FMN2: variants seen among roughly 807,000 people sequenced by gnomAD.
FMN2 encodes formin 2, also known as formin-2.
In FMN2, 51 loss-of-function variants were observed where a neutral mutation model predicts 142.3. The ratio of observed to expected loss-of-function variants is 0.36; its 90% confidence interval spans 0.29 to 0.45. The LOEUF is 0.45. Among genes scored for constraint, FMN2 ranks in the 20% least tolerant of loss-of-function variants. FMN2 has a pLI of 1.00. For missense variants in FMN2, 1,936 were observed against 2,122.8 expected (o/e 0.91, Z 1.73); for synonymous variants, 882 against 869.8 (o/e 1.01, Z -0.25).
chr1:240,198,325 A>T (rs1665994143), intron 4 of FMN2, among the ~76,000 whole-genome samples: 1 of 152,162 alleles, frequency 6.6e-6, no homozygotes, highest in Admixed American at 6.6e-5. Context: ...TTCACTAAAG[A>T]TCATTACTTT....
At chr1:240,149,205 G>T (rs796551741) in intron 2 of FMN2, among the ~76,000 whole-genome samples, 63 of 152,128 alleles carry the variant, frequency 4.1e-4, no homozygotes, top group African/African-American at 1.5e-3. Flanking sequence ...AGAAAAATTT[G>T]GAAAACTTTT....
At position 240,136,985 on chromosome 1, in the gene FMN2, G is replaced by A. The variant is rs190682574; in HGVS notation, c.1782+13640G>A. 5.4e-4 allele frequency among the ~76,000 whole-genome samples: 80 copies of A among 148,794 alleles called. No individual in the cohort carries two copies. The East Asian group carries it at 8.2e-3, about 15-fold the overall frequency. On this transcript the variant is annotated intron_variant, in intron 2 of 17. Transcript: ENST00000319653. ...CTAGGGAGGCTGAGGGAAGAGAATC[G>A]CTTGAACCCAAGAGGCGGACATTGC...
chr1:240,280,029 G>T (rs1669346177), intron 7 of FMN2, among the ~76,000 whole-genome samples: 1 of 152,166 alleles, frequency 6.6e-6, no homozygotes, highest in Non-Finnish European at 1.5e-5. Flanking sequence ...ACAGTGGAAG[G>T]TATTACCCTA....
At chr1:240,444,202 C>T (rs1249239950) in intron 16 of FMN2, among the ~76,000 whole-genome samples, 1 of 152,154 alleles carries the variant, frequency 6.6e-6, no homozygotes, top group South Asian at 2.1e-4. Context: ...GACACTGAGA[C>T]GTTCAAGTAT....
At chr1:240,352,548 T>A (rs1167416670) in intron 13 of FMN2, among the ~76,000 whole-genome samples, 1 of 152,084 alleles carries the variant, frequency 6.6e-6, no homozygotes, top group Non-Finnish European at 1.5e-5. Context: ...GCCACTGCAC[T>A]CCAGGCTGGG....
chr1:240,262,868 C>T (rs1668678681), intron 7 of FMN2, among the ~76,000 whole-genome samples: 1 of 147,652 alleles, frequency 6.8e-6, no homozygotes, highest in African/African-American at 2.5e-5. Context: ...TCAAGCAATT[C>T]TTATCCCTCA....
At chr1:240,150,252 T>C (rs376939628) in intron 2 of FMN2, among the ~76,000 whole-genome samples, 1 of 152,184 alleles carries the variant, frequency 6.6e-6, no homozygotes, top group Non-Finnish European at 1.5e-5. Context: ...TGCTTATAGA[T>C]ACGATGAACT....
At chr1:240,462,969 G>A (rs1464966798) in intron 16 of FMN2, among the ~76,000 whole-genome samples, 2 of 152,182 alleles carry the variant, frequency 1.3e-5, no homozygotes, top group South Asian at 2.1e-4. Context: ...GAACAGATTA[G>A]CAGAGACATC....
At chr1:240,333,477 G>A (rs372791597) in intron 11 of FMN2, among the ~76,000 whole-genome samples, 3 of 151,998 alleles carry the variant, frequency 2.0e-5, no homozygotes, top group East Asian at 3.9e-4. Flanking sequence ...ACTTACTGTT[G>A]GAGTGGTATC....
intron 15 of FMN2, among the ~76,000 whole-genome samples, chr1:240,410,113 T>G (rs1572278334): frequency 6.6e-6 from 1 of 151,882 alleles, no homozygotes; most frequent in South Asian, 2.1e-4. Flanking sequence ...TACAGCAAAG[T>G]TAGTAAAAGA....
At chr1:240,441,330 A>C (rs1675610243) in intron 16 of FMN2, among the ~76,000 whole-genome samples, 1 of 152,126 alleles carries the variant, frequency 6.6e-6, no homozygotes, top group African/African-American at 2.4e-5. Flanking sequence ...TAAATGGAAA[A>C]GTATTTCCAA....
chr1:240,145,267 G>T, intron 2 of FMN2: 1 of 1,446,082 alleles, frequency 6.9e-7, no homozygotes, highest in Non-Finnish European at 9.5e-7. Context: ...CCTTGTCCCC[G>T]GCATCCCGCC....
At chr1:240,129,094 G>A (rs1479684052) in intron 2 of FMN2, among the ~76,000 whole-genome samples, 1 of 152,034 alleles carries the variant, frequency 6.6e-6, no homozygotes, top group Non-Finnish European at 1.5e-5. Context: ...CCCTGGTCTT[G>A]AACTCCTGAC....
chr1:240,459,614 GGCTGAGGCA>G (rs1478101645), intron 16 of FMN2, among the ~76,000 whole-genome samples: 2 of 150,438 alleles, frequency 1.3e-5, no homozygotes, highest in South Asian at 2.1e-4. Flanking sequence ...CTACTCAGGA[GGCTGAGGCA>G]GAAGAATCTC....
chr1:240,240,404 C>T (rs1667852816), intron 6 of FMN2, among the ~76,000 whole-genome samples: 2 of 152,198 alleles, frequency 1.3e-5, no homozygotes, highest in African/African-American at 4.8e-5. Context: ...TGAATACATA[C>T]TTGCTACAAC....
chr1:240,364,542 C>T (rs1344999401), intron 14 of FMN2, among the ~76,000 whole-genome samples: 1 of 152,082 alleles, frequency 6.6e-6, no homozygotes. Context: ...TGAAGTGATT[C>T]TTCTGGAAAC....
At chr1:240,364,233 G>A (rs1421783115) in intron 14 of FMN2, among the ~76,000 whole-genome samples, 1 of 152,046 alleles carries the variant, frequency 6.6e-6, no homozygotes, top group Admixed American at 6.6e-5. Context: ...AAGGAGGCTG[G>A]AGCAGTATTT....
chr1:240,207,042 A>T lies in FMN2; in HGVS notation c.2230A>T (p.Ile744Leu). The T allele has an allele frequency of 6.2e-7, 1 of 1,614,168 alleles. No individual in the cohort carries two copies. The highest frequency in any genetic ancestry group is 8.5e-7 in the Non-Finnish European group (1 of 1,180,012). The change falls in exon 5 of 18, where the codon ATA becomes TTA. Residue 744 changes from isoleucine to leucine, a missense_variant. Physicochemically the swap from Ile to Leu is conservative, Grantham distance 5. This residue lies in a region of FMN2 where 478 missense variants were observed against 462.8 expected (regional missense o/e 1.03). Coordinates refer to ENST00000319653, the MANE Select transcript of FMN2 (RefSeq NM_020066.5). ...TCATAGGATTTTAGAGGCGAAATCG[A>T]TACAGACTTCCCCCACGGAAGAGGG... The part of the protein sequence containing the change: ...RHHRILEAKS[I>L]QTSPTEEGGV...
chr1:240,098,859 A>G (rs1335918389), intron 1 of FMN2, among the ~76,000 whole-genome samples: 2 of 152,170 alleles, frequency 1.3e-5, no homozygotes, highest in Admixed American at 6.6e-5. Flanking sequence ...GTTTGGATAT[A>G]AGCCATGCGT....
Sources: allele counts gnomAD v4.1 joint callset (sites outside exome capture counted in the v4.1 genomes callset), GRCh38; gene constraint gnomAD v4.1.1; regional missense constraint gnomAD v4.1.1; transcripts MANE v1.5; gene names NCBI Gene and HGNC (gene_info 2026-07-23, HGNC 2026-07-21).